AGK: variants seen among roughly 807,000 people sequenced by gnomAD.
AGK encodes the protein acylglycerol kinase.
In AGK, 52 loss-of-function variants were observed where a neutral mutation model predicts 66.4. The ratio of observed to expected loss-of-function variants is 0.78; its 90% confidence interval spans 0.63 to 0.99. The LOEUF (loss-of-function observed/expected upper bound fraction) is 0.99, where lower values mean the gene tolerates loss of function less well. AGK is among the 50% of genes least tolerant of loss of function. The probability of loss-of-function intolerance (pLI) is 0.00; values close to 1 mark genes in which losing one functional copy is unlikely to be tolerated. For missense variants in AGK, 451 were observed against 506.6 expected (o/e 0.89, Z 1.05); for synonymous variants, 182 against 181.1 (o/e 1.00, Z -0.04).
intron 2 of AGK, among the ~76,000 whole-genome samples, chr7:141,590,958 G>A (rs758015777): frequency 6.6e-6 from 1 of 152,118 alleles, no homozygotes; most frequent in Non-Finnish European, 1.5e-5. Flanking sequence ...AGCCAATGGG[G>A]ACTGGGCTGA....
intron 2 of AGK, among the ~76,000 whole-genome samples, chr7:141,578,708 A>T (rs1587083089): frequency 6.6e-6 from 1 of 151,902 alleles, no homozygotes; most frequent in South Asian, 2.1e-4. Context: ...TTTGTCGTAT[A>T]GAATGATTGG....
At chr7:141,608,730 T>A (rs910350467) in intron 5 of AGK, among the ~76,000 whole-genome samples, 1 of 152,198 alleles carries the variant, frequency 6.6e-6, no homozygotes, top group African/African-American at 2.4e-5. Flanking sequence ...CTCATCCACT[T>A]ACTTGTTTTC....
At position 141,649,319 on chromosome 7, in the gene AGK, CT is replaced by C; in HGVS notation, c.1035del (p.Phe345LeufsTer2). On this transcript the variant is annotated frameshift_variant, in exon 14 of 16. Coordinates refer to ENST00000649286, the MANE Select transcript of AGK (RefSeq NM_018238.4). LOFTEE classifies it high-confidence loss of function. ...IEPDTISKGD[F>X]ITIGSRKVRN... ...AACCTGACACCATCAGCAAAGGAGA[CT>C]TTATAACTATAGGGTAAGTGGACTG... The C allele has an allele frequency of 6.2e-7, 1 of 1,612,518 alleles. No individual in the cohort carries two copies. The highest frequency in any genetic ancestry group is 2.2e-5 in the East Asian group (1 of 44,854).
chr7:141,603,332 A>T (rs1796381845), intron 5 of AGK, among the ~76,000 whole-genome samples: 1 of 152,202 alleles, frequency 6.6e-6, no homozygotes, highest in Non-Finnish European at 1.5e-5. Context: ...TAGATGCACT[A>T]AAGTTTCAGA....
intron 3 of AGK, chr7:141,593,873 A>G (rs1796174318): frequency 1.3e-5 from 2 of 154,098 alleles, no homozygotes; most frequent in Admixed American, 6.4e-5. Flanking sequence ...CAAAAGTGGC[A>G]AATGTGTGAA....
At chr7:141,588,446 A>C (rs897186500) in intron 2 of AGK, among the ~76,000 whole-genome samples, 1 of 152,096 alleles carries the variant, frequency 6.6e-6, no homozygotes, top group Non-Finnish European at 1.5e-5. Context: ...CCTGGCCAAC[A>C]TGGTGAAACC....
chr7:141,626,951 A>C (rs1454632966), intron 9 of AGK, among the ~76,000 whole-genome samples: 1 of 152,198 alleles, frequency 6.6e-6, no homozygotes, highest in Non-Finnish European at 1.5e-5. Context: ...TAGGAGATGC[A>C]AGATGAAATA....
chr7:141,608,352 G>A (rs983954743), intron 5 of AGK, among the ~76,000 whole-genome samples: 1 of 152,150 alleles, frequency 6.6e-6, no homozygotes, highest in Non-Finnish European at 1.5e-5. Context: ...AAGGAAATGA[G>A]TTAGTCATGT....
chr7:141,646,126 G>A (rs1797405870), intron 13 of AGK, among the ~76,000 whole-genome samples: 1 of 152,130 alleles, frequency 6.6e-6, no homozygotes, highest in Non-Finnish European at 1.5e-5. Flanking sequence ...GAGAATTTGA[G>A]AAATCAAGGC....
intron 11 of AGK, among the ~76,000 whole-genome samples, chr7:141,640,529 A>G (rs1011733389): frequency 6.6e-6 from 1 of 152,154 alleles, no homozygotes; most frequent in South Asian, 2.1e-4. Flanking sequence ...AACCAGAAGA[A>G]TATGGGATGT....
rs1554400817 is a variant in AGK at position 141,604,372 on chromosome 7, GTGTA to G, written c.297+3094_297+3097del. ...TGCATATGTATGAATGTGTGTGTGT[GTGTA>G]TATATATATATATATATATATATAT... On this transcript the variant is annotated intron_variant, in intron 5 of 15. Transcript: ENST00000649286. Among the ~76,000 whole-genome samples the G allele has an allele frequency of 5.2e-3, 305 of 58,386 alleles. 2 individuals carry two copies. The highest frequency in any genetic ancestry group is 0.021 in the African/African-American group (291 of 14,008). 38.3% of individuals were successfully genotyped at this position (58,386 alleles called of 152,430 possible).
chr7:141,571,313 C>A (rs988312633), intron 2 of AGK, among the ~76,000 whole-genome samples: 1 of 152,142 alleles, frequency 6.6e-6, no homozygotes, highest in African/African-American at 2.4e-5. Flanking sequence ...CTTTGCTATT[C>A]ACAGTGTGGT....
At chr7:141,596,189 C>A (rs1380229972) in intron 3 of AGK, among the ~76,000 whole-genome samples, 1 of 152,162 alleles carries the variant, frequency 6.6e-6, no homozygotes, top group Non-Finnish European at 1.5e-5. Flanking sequence ...TAGTAATGAG[C>A]TGGAAAGAAT....
At chr7:141,648,443 TAATTCTTAGTTGAG>T (rs1168541254) in intron 13 of AGK, among the ~76,000 whole-genome samples, 2 of 152,270 alleles carry the variant, frequency 1.3e-5, no homozygotes, top group Non-Finnish European at 2.9e-5. Flanking sequence ...TTATGTTTTG[TAATTCTTAGTTGAG>T]AGTTCTTTGT....
intron 14 of AGK, chr7:141,650,439 C>T (rs546075568): frequency 1.1e-6 from 1 of 896,208 alleles, no homozygotes; most frequent in African/African-American, 1.8e-5. Flanking sequence ...ATTGTTAGCA[C>T]CAGTGGCAGC....
At position 141,636,950 on chromosome 7, in the gene AGK, C is replaced by G; in HGVS notation, c.669-10C>G. 1 of 1,610,212 alleles carries G rather than the reference C, an allele frequency of 6.2e-7. No homozygotes were observed. Among genetic ancestry groups the G allele is most frequent in the Non-Finnish European group, 8.5e-7 (1 of 1,177,650 alleles). ...ATTCTTATCAGATTTTTATCTTGGT[C>G]TTTTCACAGGTACTGGTATCTTGGG... On this transcript the variant is annotated splice_polypyrimidine_tract_variant and intron_variant, in intron 10 of 15. Transcript: ENST00000649286.
intron 3 of AGK, among the ~76,000 whole-genome samples, chr7:141,594,491 C>G (rs1796188769): frequency 6.6e-6 from 1 of 150,832 alleles, no homozygotes; most frequent in African/African-American, 2.4e-5. Flanking sequence ...ACACCTGGCC[C>G]CTTTCTTTCT....
rs1587114560 is a variant in AGK, at chr7:141,602,173, T to TGTGTGTGTG, written c.297+893_297+894insGTGTGTGTG. Among the ~76,000 whole-genome samples the TGTGTGTGTG allele has an allele frequency of 4.8e-3, 606 of 125,364 alleles. 13 individuals carry two copies. Among genetic ancestry groups the TGTGTGTGTG allele is most frequent in the African/African-American group, 0.015 (524 of 35,290 alleles). 82.2% of individuals were successfully genotyped at this position (125,364 alleles called of 152,430 possible). Reference sequence around the variant, plus strand: ...GAGCTTTCCTTGAGGGGAGATTTTCTTGTGTGTGTGTGTGTGTGTGTGTGT... The same window carrying TGTGTGTGTG: ...GAGCTTTCCTTGAGGGGAGATTTTCTGTGTGTGTGTGTGTGTGTGTGTGTGTGTGTGTGT... On this transcript the variant is annotated intron_variant, in intron 5 of 15. Coordinates refer to ENST00000649286, the MANE Select transcript of AGK (RefSeq NM_018238.4).
intron 2 of AGK, among the ~76,000 whole-genome samples, chr7:141,580,491 G>A (rs914684275): frequency 1.3e-5 from 2 of 151,968 alleles, no homozygotes; most frequent in South Asian, 2.1e-4. Context: ...TAATGTGGGA[G>A]CCTGGAATGA....
Sources: gnomAD v4.1 joint callset for allele counts (sites outside exome capture counted in the v4.1 genomes callset) on GRCh38, gnomAD v4.1.1 for gene constraint, MANE v1.5 for transcripts, NCBI Gene and HGNC (gene_info 2026-07-23, HGNC 2026-07-21) for gene names.